Variants in SLC7A14 observed in about 807,000 individuals in gnomAD.
The protein encoded by SLC7A14 is solute carrier family 7 member 14.
SLC7A14 carries 37 observed loss-of-function variants against 60.2 expected under a neutral mutation model. That is an observed-to-expected ratio of 0.61 (90% CI 0.47 to 0.81). SLC7A14 has a LOEUF of 0.81. Among genes scored for constraint, SLC7A14 ranks in the 30% least tolerant of loss-of-function variants. The pLI, the probability that SLC7A14 is intolerant of heterozygous loss-of-function variation, is 0.00. For missense variants in SLC7A14, 886 were observed against 982.7 expected (o/e 0.90, Z 1.32); for synonymous variants, 399 against 395.8 (o/e 1.01, Z -0.10).
rs1254477120 is a variant in SLC7A14, at chr3:170,465,464, A to G, written c.*1591T>C. 6.6e-6 allele frequency: 1 copy of G among 152,196 alleles called. No individual in the cohort carries two copies. Among genetic ancestry groups the G allele is most frequent in the African/African-American group, 2.4e-5 (1 of 41,442 alleles). 9.4% of individuals were successfully genotyped at this position (152,196 alleles called of 1,614,324 possible). On this transcript the variant is annotated 3_prime_UTR_variant, in exon 8 of 8. Transcript: ENST00000231706. Reference sequence around the variant, plus strand: ...CAGTGTTAGTTGAATGAAAAAATGGACTTTTACCTCCTTGCCATAATCCTA... The same window carrying G: ...CAGTGTTAGTTGAATGAAAAAATGGGCTTTTACCTCCTTGCCATAATCCTA...
In SLC7A14 at chr3:170,501,306, G is replaced by T. The variant is rs773077648; in HGVS notation, c.344C>A (p.Thr115Asn). ...YAEFGVRVPK[T>N]TGSAYTYSYV... The stretch of plus-strand genomic sequence containing the variant: ...GCTGTAGGTGTAGGCAGATCCTGTG[G>T]TCTTGGGGACTCGAACTCCAAACTC... Residue 115 changes from threonine (T) to asparagine (N), a missense_variant, in exon 3 of 8, where the codon ACC becomes AAC. Transcript: ENST00000231706. 6.2e-7 allele frequency: 1 copy of T among 1,614,162 alleles called. No individual in the cohort carries two copies. The highest frequency in any genetic ancestry group is 8.5e-7 in the Non-Finnish European group (1 of 1,180,038).
chr3:170,569,479 G>C (rs980555935), intron 1 of SLC7A14, among the ~76,000 whole-genome samples: 1 of 151,404 alleles, frequency 6.6e-6, no homozygotes, highest in Admixed American at 6.6e-5. Context: ...TCTCTTTTTT[G>C]GTTGTGTCTC....
chr3:170,568,600 C>A (rs1258424789), intron 1 of SLC7A14, among the ~76,000 whole-genome samples: 1 of 152,072 alleles, frequency 6.6e-6, no homozygotes, highest in Non-Finnish European at 1.5e-5. Context: ...TTACCTTGGG[C>A]AGTATGGCCA....
At chr3:170,570,943 A>G (rs1249627599) in intron 1 of SLC7A14, among the ~76,000 whole-genome samples, 1 of 152,118 alleles carries the variant, frequency 6.6e-6, no homozygotes, top group Non-Finnish European at 1.5e-5. Flanking sequence ...CATCACCCAA[A>G]TAGTGTGCAT....
At chr3:170,573,930 G>A (rs1318706610) in intron 1 of SLC7A14, among the ~76,000 whole-genome samples, 1 of 152,318 alleles carries the variant, frequency 6.6e-6, no homozygotes, top group Non-Finnish European at 1.5e-5. Context: ...ACACTTAGAA[G>A]CATCTTCTAT....
At chr3:170,490,539 G>A (rs1712184411) in intron 4 of SLC7A14, among the ~76,000 whole-genome samples, 1 of 152,334 alleles carries the variant, frequency 6.6e-6, no homozygotes, top group Middle Eastern at 3.4e-3. Flanking sequence ...CTGGGGACCT[G>A]GGGATGTTTA....
At chr3:170,560,491 A>C (rs908033601) in intron 1 of SLC7A14, among the ~76,000 whole-genome samples, 2 of 152,196 alleles carry the variant, frequency 1.3e-5, no homozygotes, top group Non-Finnish European at 2.9e-5. Flanking sequence ...AAAACACGTG[A>C]AAAGTCCTCA....
rs1448801825 is a variant in SLC7A14, at chr3:170,466,156, G to T, written c.*899C>A. On this transcript the variant is annotated 3_prime_UTR_variant, in exon 8 of 8. Coordinates refer to ENST00000231706, the MANE Select transcript of SLC7A14 (RefSeq NM_020949.3). ...ATTTGCAATGTGATCTCAGTGGCTGGCTCACTTCTCCTTGTAAAAATTTTT... is the reference window on the plus strand; with the variant it reads ...ATTTGCAATGTGATCTCAGTGGCTGTCTCACTTCTCCTTGTAAAAATTTTT... The T allele has an allele frequency of 6.6e-6, 1 of 152,104 alleles. No individual in the cohort carries two copies. Among genetic ancestry groups the T allele is most frequent in the Non-Finnish European group, 1.5e-5 (1 of 68,036 alleles). The allele number at this position is 152,104 out of a possible 1,614,324, so 9.4% of individuals were successfully genotyped here. A position where few individuals can be genotyped will look rare whatever the true frequency, so the allele number is the denominator to read the frequency against.
In SLC7A14 at chr3:170,466,215, A is replaced by C. The variant is rs1412924280; in HGVS notation, c.*840T>G. On this transcript the variant is annotated 3_prime_UTR_variant, in exon 8 of 8. Transcript: ENST00000231706. ...ATAAAACAAACAACCTACTTTTTCAAGGCATATCAGTGCCATGAAATCATG... is the reference window on the plus strand; with the variant it reads ...ATAAAACAAACAACCTACTTTTTCACGGCATATCAGTGCCATGAAATCATG... 1 of 152,206 alleles carries C rather than the reference A, an allele frequency of 6.6e-6. No homozygotes were observed. Among genetic ancestry groups the C allele is most frequent in the Non-Finnish European group, 1.5e-5 (1 of 68,030 alleles). The allele number at this position is 152,206 out of a possible 1,614,324, so 9.4% of individuals were successfully genotyped here.
intron 6 of SLC7A14, 94 bp from the exon 7 acceptor site, chr3:170,481,260 G>A: frequency 1.5e-6 from 2 of 1,346,266 alleles, no homozygotes; most frequent in South Asian, 3.0e-5. Flanking sequence ...CAATAGGCTG[G>A]TGTGATTAAC....
intron 1 of SLC7A14, among the ~76,000 whole-genome samples, chr3:170,560,803 C>T (rs948849878): frequency 3.9e-5 from 6 of 152,182 alleles, no homozygotes; most frequent in Non-Finnish European, 8.8e-5. Context: ...TCCAATTAAT[C>T]TTTGACGTGT....
At chr3:170,572,617 GA>G (rs1404462213) in intron 1 of SLC7A14, among the ~76,000 whole-genome samples, 2 of 152,176 alleles carry the variant, frequency 1.3e-5, no homozygotes, top group Admixed American at 1.3e-4. Context: ...ACTGTAGGTT[GA>G]AATAGACTTG....
At position 170,459,664 on chromosome 3, in the gene SLC7A14, T is replaced by A. The variant is rs892833218; in HGVS notation, c.*7391A>T. 1 of 152,216 alleles carries A rather than the reference T, an allele frequency of 6.6e-6. No individual in the cohort carries two copies. Among genetic ancestry groups the A allele is most frequent in the South Asian group, 2.1e-4 (1 of 4,836 alleles). 9.4% of individuals were successfully genotyped at this position (152,216 alleles called of 1,614,324 possible). A position where few individuals can be genotyped will look rare whatever the true frequency, so the allele number is the denominator to read the frequency against. The stretch of plus-strand genomic sequence containing the variant: ...AGTGAACTCATTTATCTGGCTTTTC[T>A]ACAAAGGACAATTGAAACACTTAAG... On this transcript the variant is annotated 3_prime_UTR_variant, in exon 8 of 8. Coordinates refer to ENST00000231706, the MANE Select transcript of SLC7A14 (RefSeq NM_020949.3).
chr3:170,512,783 C>T (rs1479901399), intron 2 of SLC7A14, among the ~76,000 whole-genome samples: 12 of 150,228 alleles, frequency 8.0e-5, no homozygotes, highest in East Asian at 2.0e-4. Flanking sequence ...CCTGCCTCAG[C>T]CTCCCAAGTA....
intron 5 of SLC7A14, among the ~76,000 whole-genome samples, chr3:170,484,087 T>C (rs1412553535): frequency 6.6e-6 from 1 of 152,222 alleles, no homozygotes; most frequent in Non-Finnish European, 1.5e-5. Context: ...TCTATTTCCT[T>C]TCTCTAGCTT....
intron 6 of SLC7A14, among the ~76,000 whole-genome samples, chr3:170,481,657 C>T (rs530434754): frequency 1.9e-3 from 295 of 152,288 alleles, no homozygotes; most frequent in African/African-American, 6.9e-3. Context: ...ACCTCAGCCT[C>T]CCAGAGTGTT....
chr3:170,551,976 A>C (rs556652834), intron 1 of SLC7A14, among the ~76,000 whole-genome samples: 2 of 152,314 alleles, frequency 1.3e-5, no homozygotes, highest in East Asian at 1.9e-4. Flanking sequence ...TATCTAAAAA[A>C]CGTATTGCCT....
intron 1 of SLC7A14, among the ~76,000 whole-genome samples, chr3:170,580,094 A>G (rs1715196111): frequency 6.6e-6 from 1 of 152,252 alleles, no homozygotes; most frequent in East Asian, 1.9e-4. Flanking sequence ...AATTCTTGGT[A>G]GAGATAGACG....
rs1347850872 is a variant in SLC7A14, at chr3:170,550,811, C to T, written c.-152-23723G>A. ...TGCTGGGATTACAGGCATGAGACAC[C>T]GCGCCCAACCATCTTTCCTTGATTT... is the stretch of plus-strand genomic sequence containing the variant. On this transcript the variant is annotated intron_variant, in intron 1 of 7. Coordinates refer to ENST00000231706, the MANE Select transcript of SLC7A14 (RefSeq NM_020949.3). Among the ~76,000 whole-genome samples, 7 of 151,970 alleles carry T rather than the reference C, an allele frequency of 4.6e-5. No individual in the cohort carries two copies. In the South Asian group the frequency reaches 8.3e-4, roughly 18 times the overall value.
Sources: allele counts gnomAD v4.1 joint callset (sites outside exome capture counted in the v4.1 genomes callset), GRCh38; gene constraint gnomAD v4.1.1; transcripts MANE v1.5; gene names NCBI Gene and HGNC (gene_info 2026-07-23, HGNC 2026-07-21).